The following NCKAP5 variants were observed in gnomAD, a reference collection of about 807,000 sequenced individuals.
The protein encoded by NCKAP5 is nck-associated protein 5.
Under a neutral mutation model 167.0 loss-of-function variants are expected in NCKAP5, and 92 were observed. That is an observed-to-expected ratio of 0.55 (90% confidence interval 0.47 to 0.66). NCKAP5 has a LOEUF of 0.66. Ranked by LOEUF, NCKAP5 falls within the 30% of genes least tolerant of loss-of-function variation. The pLI is 0.00. For missense variants in NCKAP5, 2,378 were observed against 2,315.0 expected, an observed-to-expected ratio of 1.03 and a Z score of -0.56; for synonymous variants, 891 against 877.4, an observed-to-expected ratio of 1.02 and a Z score of -0.27.
chr2:133,277,703 A>C (rs1002650470), intron 4 of NCKAP5, among the ~76,000 whole-genome samples: 1 of 152,200 alleles, frequency 6.6e-6, no homozygotes, highest in African/African-American at 2.4e-5. Context: ...ACACTAAGAA[A>C]GAAAATCCAG....
At chr2:133,516,816 A>T (rs1440487934) in intron 3 of NCKAP5, among the ~76,000 whole-genome samples, 1 of 152,204 alleles carries the variant, frequency 6.6e-6, no homozygotes, top group African/African-American at 2.4e-5. Context: ...GTTCACACGC[A>T]TTGCGTAACA....
At chr2:133,183,046 A>G (rs1277700936) in intron 5 of NCKAP5, among the ~76,000 whole-genome samples, 1 of 152,068 alleles carries the variant, frequency 6.6e-6, no homozygotes, top group East Asian at 1.9e-4. Flanking sequence ...ACAAACTACC[A>G]TAACTCACCC....
At chr2:133,644,981 A>G in the NCKAP5 span, among the ~76,000 whole-genome samples, 1 of 152,232 alleles carries the variant, frequency 6.6e-6, no homozygotes, top group Non-Finnish European at 1.5e-5. Context: ...ACTGTAGGCT[A>G]GCACATAAAT....
chr2:132,830,396 G>T (rs1687434406), intron 11 of NCKAP5, among the ~76,000 whole-genome samples: 1 of 147,238 alleles, frequency 6.8e-6, no homozygotes. Flanking sequence ...ACAGACTGTT[G>T]CTTGCAACAG....
intron 3 of NCKAP5, among the ~76,000 whole-genome samples, chr2:133,438,523 C>A (rs983931363): frequency 2.0e-5 from 3 of 152,116 alleles, no homozygotes; most frequent in Admixed American, 6.5e-5. Context: ...TAGATAACTT[C>A]GCATAAAGTA....
chr2:132,772,282 A>G (rs763352245), intron 16 of NCKAP5, among the ~76,000 whole-genome samples: 2 of 152,212 alleles, frequency 1.3e-5, no homozygotes, highest in Non-Finnish European at 2.9e-5. Context: ...TACAGAAGAC[A>G]GGGCCACTGA....
chr2:132,813,980 T>C (rs1686078486), intron 11 of NCKAP5, among the ~76,000 whole-genome samples: 1 of 152,170 alleles, frequency 6.6e-6, no homozygotes, highest in African/African-American at 2.4e-5. Flanking sequence ...AAAATGACTT[T>C]CGTGATGTGC....
chr2:133,092,528 A>G (rs2081218677), intron 6 of NCKAP5, among the ~76,000 whole-genome samples: 1 of 152,242 alleles, frequency 6.6e-6, no homozygotes, highest in Admixed American at 6.5e-5. Context: ...TAACATTTCA[A>G]TAGGTTCTTG....
chr2:133,421,873 C>T lies in NCKAP5; in HGVS notation c.69+95585G>A, dbSNP rs188538211. On this transcript the variant is annotated intron_variant, in intron 3 of 19. Coordinates refer to ENST00000409261, the MANE Select transcript of NCKAP5 (RefSeq NM_207363.3). Reference sequence around the variant, plus strand: ...CACATTACATCACCTGCACTAAATCCCACCCAGTGATAGCTAGAGGGTGTG... The same window carrying T: ...CACATTACATCACCTGCACTAAATCTCACCCAGTGATAGCTAGAGGGTGTG... 5.1e-4 allele frequency among the ~76,000 whole-genome samples: 77 copies of T among 152,292 alleles called. No homozygotes were observed. The East Asian group carries it at 0.014, about 29-fold the overall frequency.
chr2:132,896,228 A>T (rs1693192011), intron 8 of NCKAP5, among the ~76,000 whole-genome samples: 1 of 152,206 alleles, frequency 6.6e-6, no homozygotes, highest in Non-Finnish European at 1.5e-5. Context: ...GTCATAATGA[A>T]ATTACGTGAA....
chr2:133,184,738 T>C (rs769863997), intron 5 of NCKAP5, among the ~76,000 whole-genome samples: 7 of 152,166 alleles, frequency 4.6e-5, no homozygotes, highest in Non-Finnish European at 7.4e-5. Context: ...CATCTTTTCA[T>C]GTTTGTTGGC....
At position 132,996,918 on chromosome 2, in the gene NCKAP5, C is replaced by T. The variant is rs180855796; in HGVS notation, c.342-2679G>A. Among the ~76,000 whole-genome samples the T allele has an allele frequency of 2.8e-3, 424 of 152,292 alleles. 6 individuals are homozygous for T. The highest frequency in any genetic ancestry group is 9.2e-3 in the African/African-American group (384 of 41,558). On this transcript the variant is annotated intron_variant, in intron 6 of 19. Coordinates refer to ENST00000409261, the MANE Select transcript of NCKAP5 (RefSeq NM_207363.3). ...AAGCCTGAACTCAATGCCCTGAACACGATGCTCTCTGTCCAGAACCTGAAC... is the reference window on the plus strand; with the variant it reads ...AAGCCTGAACTCAATGCCCTGAACATGATGCTCTCTGTCCAGAACCTGAAC...
chr2:133,207,316 A>C (rs2085996902), intron 5 of NCKAP5, among the ~76,000 whole-genome samples: 1 of 152,162 alleles, frequency 6.6e-6, no homozygotes, highest in African/African-American at 2.4e-5. Flanking sequence ...AAGGACCTAC[A>C]GGGCTCTTTT....
At chr2:133,531,203 A>G (rs949301444) in intron 2 of NCKAP5, among the ~76,000 whole-genome samples, 1 of 152,092 alleles carries the variant, frequency 6.6e-6, no homozygotes, top group African/African-American at 2.4e-5. Flanking sequence ...GAAAGAATGT[A>G]AACAGCACAA....
At chr2:133,147,316 G>A (rs367654209) in intron 5 of NCKAP5, among the ~76,000 whole-genome samples, 4 of 152,182 alleles carry the variant, frequency 2.6e-5, no homozygotes, top group African/African-American at 2.4e-5. Context: ...CACGGGCACC[G>A]CATCTTGCGT....
At chr2:133,569,325 T>C (rs1688768131), upstream of NCKAP5, among the ~76,000 whole-genome samples, 1 of 152,134 alleles carries the variant, frequency 6.6e-6, no homozygotes, top group South Asian at 2.1e-4. Context: ...ATCCAACACC[T>C]AGTCTCTGCC....
At position 132,785,457 on chromosome 2, in the gene NCKAP5, A is replaced by G. The variant is rs201438545; in HGVS notation, c.1354T>C (p.Cys452Arg). The G allele has an allele frequency of 3.3e-5, 53 of 1,613,740 alleles. No individual in the cohort carries two copies. The African/African-American group carries it at 5.3e-4, about 16-fold the overall frequency. The change falls in exon 14 of 20, where the codon TGC becomes CGC. Residue 452 changes from cysteine (C) to arginine (R), a missense_variant. By Grantham distance (180) the Cys-to-Arg change is radical (BLOSUM62 -3). Transcript: ENST00000409261. ...KSSSLKEYPP[C>R]KTADLGSPCK... ...GGGCTCCCCAGGTCAGCTGTTTTGC[A>G]GGGGGGATACTCCTTGAGGCTGCTA... is the stretch of plus-strand genomic sequence containing the variant.
At chr2:133,526,508 C>A (rs79606084) in intron 2 of NCKAP5, among the ~76,000 whole-genome samples, 1 of 152,130 alleles carries the variant, frequency 6.6e-6, no homozygotes, top group Non-Finnish European at 1.5e-5. Flanking sequence ...GGAGGACTTG[C>A]CTTTATTGTC....
intron 3 of NCKAP5, among the ~76,000 whole-genome samples, chr2:133,308,995 C>A (rs1482404717): frequency 6.6e-6 from 1 of 151,640 alleles, no homozygotes; most frequent in Non-Finnish European, 1.5e-5. Flanking sequence ...CAGGCGTGAG[C>A]CACCGCGCCC....
Sources: gnomAD v4.1 joint callset for allele counts (sites outside exome capture counted in the v4.1 genomes callset) on GRCh38, gnomAD v4.1.1 for gene constraint, MANE v1.5 for transcripts, NCBI Gene and HGNC (gene_info 2026-07-23, HGNC 2026-07-21) for gene names.